Variants in CPEB3 observed in about 807,000 individuals in gnomAD.
The protein encoded by CPEB3 is cytoplasmic polyadenylation element-binding protein 3.
CPEB3 carries 20 observed loss-of-function variants against 67.2 expected under a neutral mutation model. The ratio of observed to expected loss-of-function variants is 0.30; its 90% confidence interval spans 0.21 to 0.43. The LOEUF is 0.43. Among genes scored for constraint, CPEB3 ranks in the 20% least tolerant of loss-of-function variants. CPEB3 has a pLI of 1.00. For missense variants in CPEB3, 746 were observed against 968.6 expected, an observed-to-expected ratio of 0.77 and a Z score of 3.05; for synonymous variants, 376 against 393.1, an observed-to-expected ratio of 0.96 and a Z score of 0.51.
At chr10:92,144,159 A>G (rs1354948555) in intron 5 of CPEB3, among the ~76,000 whole-genome samples, 1 of 152,250 alleles carries the variant, frequency 6.6e-6, no homozygotes, top group Non-Finnish European at 1.5e-5. Flanking sequence ...GCATAAGTGA[A>G]CACTCACTTT....
At chr10:92,189,491 A>G (rs1200031076) in intron 3 of CPEB3, among the ~76,000 whole-genome samples, 1 of 152,160 alleles carries the variant, frequency 6.6e-6, no homozygotes, top group Non-Finnish European at 1.5e-5. Flanking sequence ...TTTTAACAAT[A>G]AGAACACTGA....
intron 4 of CPEB3, among the ~76,000 whole-genome samples, chr10:92,180,527 T>A (rs1200138387): frequency 6.6e-6 from 1 of 152,258 alleles, no homozygotes; most frequent in African/African-American, 2.4e-5. Context: ...CCTTTGTGGC[T>A]CTGCCTTTGT....
intron 1 of CPEB3, among the ~76,000 whole-genome samples, chr10:92,259,832 G>C (rs1852714897): frequency 6.6e-6 from 1 of 152,162 alleles, no homozygotes; most frequent in South Asian, 2.1e-4. Context: ...CTGTGTGCTT[G>C]ATACAATGCT....
At chr10:92,206,667 A>G (rs151136744) in intron 2 of CPEB3, among the ~76,000 whole-genome samples, 1,816 of 152,240 alleles carry the variant, frequency 0.012, 24 homozygotes, top group South Asian at 0.043. Flanking sequence ...AAATGTTTCT[A>G]TGAAACTTGG....
At chr10:92,207,145 G>A (rs746746472) in intron 2 of CPEB3, among the ~76,000 whole-genome samples, 4 of 152,036 alleles carry the variant, frequency 2.6e-5, no homozygotes, top group Admixed American at 1.3e-4. Context: ...ACCATGCCCT[G>A]CTAATTTTGG....
intron 1 of CPEB3, among the ~76,000 whole-genome samples, chr10:92,266,414 G>C (rs563081515): frequency 1.8e-4 from 27 of 152,176 alleles, no homozygotes; most frequent in African/African-American, 5.8e-4. Flanking sequence ...TGCACGGTTG[G>C]TCCTCTTAGA....
intron 1 of CPEB3, among the ~76,000 whole-genome samples, chr10:92,252,084 T>C (rs1362181809): frequency 2.6e-5 from 4 of 151,182 alleles, no homozygotes; most frequent in African/African-American, 9.7e-5. Flanking sequence ...AACCAGAATA[T>C]ATAAAGGACT....
At chr10:92,054,354 C>G (rs1842033200) in intron 9 of CPEB3, among the ~76,000 whole-genome samples, 1 of 151,710 alleles carries the variant, frequency 6.6e-6, no homozygotes, top group Non-Finnish European at 1.5e-5. Flanking sequence ...ATTTTATTCT[C>G]ATCAGACTGG....
intron 1 of CPEB3, among the ~76,000 whole-genome samples, chr10:92,250,233 G>T (rs759465918): frequency 2.9e-4 from 44 of 150,814 alleles, no homozygotes; most frequent in African/African-American, 1.0e-3. Flanking sequence ...GACTACAGGC[G>T]CACTCCACCA....
chr10:92,066,890 C>CA (rs886658061), intron 9 of CPEB3, among the ~76,000 whole-genome samples: 11 of 151,080 alleles, frequency 7.3e-5, no homozygotes, highest in African/African-American at 2.7e-4. Context: ...ACTAAAAATA[C>CA]AAAAAAACAT....
intron 9 of CPEB3, among the ~76,000 whole-genome samples, chr10:92,054,733 C>T (rs1842049689): frequency 6.6e-6 from 1 of 152,176 alleles, no homozygotes; most frequent in South Asian, 2.1e-4. Flanking sequence ...TGAGCCACCA[C>T]ACCTGGCCTG....
At chr10:92,126,062 C>A (rs1181405868) in intron 6 of CPEB3, among the ~76,000 whole-genome samples, 2 of 152,022 alleles carry the variant, frequency 1.3e-5, no homozygotes, top group Non-Finnish European at 2.9e-5. Flanking sequence ...GATTCTAGGG[C>A]CCTATCATTA....
intron 9 of CPEB3, among the ~76,000 whole-genome samples, chr10:92,053,387 T>G (rs995207038): frequency 2.0e-5 from 3 of 152,064 alleles, no homozygotes; most frequent in East Asian, 1.9e-4. Context: ...TTTTTTGAGA[T>G]GGAGTCTCAC....
intron 4 of CPEB3, among the ~76,000 whole-genome samples, chr10:92,151,980 C>T (rs1023966101): frequency 5.3e-5 from 8 of 152,204 alleles, no homozygotes; most frequent in Middle Eastern, 3.2e-3. Context: ...AGCAACCAGA[C>T]GTGCTCTTTT....
chr10:92,263,694 A>T (rs1384969427), intron 1 of CPEB3, among the ~76,000 whole-genome samples: 2 of 151,980 alleles, frequency 1.3e-5, no homozygotes, highest in Non-Finnish European at 2.9e-5. Context: ...GTCAATTTTT[A>T]AAAAAATATT....
At position 92,239,545 on chromosome 10, in the gene CPEB3, C is replaced by T. The variant is rs371619588; in HGVS notation, c.806G>A (p.Arg269His). The T allele has an allele frequency of 4.5e-6, 7 of 1,557,184 alleles. No homozygotes were observed. Among genetic ancestry groups the T allele is most frequent in the Non-Finnish European group, 5.2e-6 (6 of 1,149,802 alleles). The change falls in exon 2 of 10, where the codon CGC (arginine) becomes CAC (histidine). Residue 269 changes from arginine to histidine, a missense_variant. By Grantham distance (29) the Arg-to-His change is conservative. Transcript: ENST00000265997. The surrounding 1 kb of genome is among the most constrained non-coding windows in gnomAD (Gnocchi z 6.0). ...ACCCACGCCCACACCGACCGCCCGG[C>T]GAGGGTCCCGGCCCGCCTGCAGGCC... is the stretch of plus-strand genomic sequence containing the variant. ...WGGLQAGRDP[R>H]RAVGVGVGVG...
intron 2 of CPEB3, among the ~76,000 whole-genome samples, chr10:92,227,272 G>A (rs990434832): frequency 6.6e-6 from 1 of 152,300 alleles, no homozygotes; most frequent in East Asian, 1.9e-4. Context: ...ACAAGAACGT[G>A]TAAGGATTAC....
At chr10:92,281,958 G>A (rs773758128) in intron 1 of CPEB3, among the ~76,000 whole-genome samples, 2 of 152,154 alleles carry the variant, frequency 1.3e-5, no homozygotes. Flanking sequence ...CACATGTTCC[G>A]TGGAAAGGGT....
At chr10:92,103,730 G>A (rs1844301857) in intron 7 of CPEB3, among the ~76,000 whole-genome samples, 1 of 152,222 alleles carries the variant, frequency 6.6e-6, no homozygotes, top group Non-Finnish European at 1.5e-5. Context: ...AGTTAGCAAA[G>A]CTTGAGAAAA....
Sources: gnomAD v4.1 joint callset for allele counts (sites outside exome capture counted in the v4.1 genomes callset) on GRCh38, gnomAD v4.1.1 for gene constraint, Gnocchi (gnomAD v3.1) non-coding constraint, MANE v1.5 for transcripts, NCBI Gene and HGNC (gene_info 2026-07-23, HGNC 2026-07-21) for gene names.